The following PLPP3 variants were observed in gnomAD, a reference collection of about 807,000 sequenced individuals.
PLPP3 encodes PAP2 beta.
A neutral mutation model predicts 29.6 loss-of-function variants in PLPP3; 6 were observed. The ratio of observed to expected loss-of-function variants is 0.20; its 90% CI spans 0.11 to 0.40. The LOEUF (loss-of-function observed/expected upper bound fraction) is 0.40. PLPP3 is among the 10% of genes least tolerant of loss of function. The pLI, the probability that PLPP3 is intolerant of heterozygous loss-of-function variation, is 1.00. For missense variants in PLPP3, 308 were observed against 407.7 expected, an observed-to-expected ratio of 0.76 and a Z score of 2.11; for synonymous variants, 152 against 159.7, an observed-to-expected ratio of 0.95 and a Z score of 0.36.
At chr1:56,558,972 G>A (rs1379487034) in intron 1 of PLPP3, among the ~76,000 whole-genome samples, 1 of 152,176 alleles carries the variant, frequency 6.6e-6, no homozygotes, top group East Asian at 1.9e-4. Flanking sequence ...CTGCAGTTCT[G>A]AAAGACCATT....
intron 1 of PLPP3, among the ~76,000 whole-genome samples, chr1:56,571,113 G>A (rs536539974): frequency 1.1e-4 from 16 of 152,272 alleles, no homozygotes; most frequent in African/African-American, 3.4e-4. Context: ...GTCCACATCC[G>A]AAAAGCAGAA....
chr1:56,551,279 G>GTTTGCTTT (rs140430491), intron 1 of PLPP3, among the ~76,000 whole-genome samples: 1 of 135,924 alleles, frequency 7.4e-6, no homozygotes, highest in African/African-American at 2.7e-5. Flanking sequence ...TCTGGGTTTG[G>GTTTGCTTT]GGTTTGGTTT....
intron 2 of PLPP3, among the ~76,000 whole-genome samples, chr1:56,534,434 G>C (rs1645910183): frequency 6.6e-6 from 1 of 152,098 alleles, no homozygotes; most frequent in South Asian, 2.1e-4. Context: ...TTGTTGTGGG[G>C]ACCATCTGAA....
At chr1:56,536,666 C>A (rs566379677) in intron 2 of PLPP3, among the ~76,000 whole-genome samples, 14 of 152,178 alleles carry the variant, frequency 9.2e-5, no homozygotes, top group African/African-American at 3.1e-4. Flanking sequence ...TGTAAGTCTG[C>A]GAGATGGAAA....
At chr1:56,523,516 T>C (rs921551305) in intron 4 of PLPP3, among the ~76,000 whole-genome samples, 2 of 152,214 alleles carry the variant, frequency 1.3e-5, no homozygotes, top group African/African-American at 4.8e-5. Flanking sequence ...AAAACCTCAA[T>C]TACTCTTGCA....
chr1:56,511,142 C>T (rs1448525543), intron 5 of PLPP3, among the ~76,000 whole-genome samples: 1 of 152,176 alleles, frequency 6.6e-6, no homozygotes, highest in East Asian at 1.9e-4. Flanking sequence ...CAGTAGGGCC[C>T]AGGAAGTCAC....
At chr1:56,525,065 T>C (rs1645844458) in intron 2 of PLPP3, among the ~76,000 whole-genome samples, 1 of 152,146 alleles carries the variant, frequency 6.6e-6, no homozygotes, top group Non-Finnish European at 1.5e-5. Flanking sequence ...GGACACACCA[T>C]GGTTAAGTCC....
chr1:56,577,084 A>G (rs942314204), intron 1 of PLPP3, among the ~76,000 whole-genome samples: 14 of 152,128 alleles, frequency 9.2e-5, no homozygotes, highest in African/African-American at 3.1e-4. Context: ...CTGCACAGGC[A>G]CTCTAGAAAG....
At chr1:56,536,736 G>C (rs1048269401) in intron 2 of PLPP3, among the ~76,000 whole-genome samples, 2 of 152,154 alleles carry the variant, frequency 1.3e-5, no homozygotes, top group Admixed American at 6.5e-5. Context: ...TGTAGTCTTT[G>C]AGTACGTCAT....
At chr1:56,538,969 A>AAAAAAAAAAC (rs1645949855) in intron 1 of PLPP3, 1 of 151,452 alleles carries the variant, frequency 6.6e-6, no homozygotes, top group African/African-American at 2.4e-5. Context: ...CAAAAAAAAA[A>AAAAAAAAAAC]AACACAGTGG....
At position 56,496,186 on chromosome 1, in the gene PLPP3, T is replaced by C. The variant is rs548083095; in HGVS notation, c.*365A>G. 1.0e-5 allele frequency: 2 copies of C among 195,212 alleles called. No individual in the cohort carries two copies. Among genetic ancestry groups the C allele is most frequent in the South Asian group, 8.3e-5 (1 of 12,004 alleles). 12.1% of individuals were successfully genotyped at this position (195,212 alleles called of 1,614,324 possible). On this transcript the variant is annotated 3_prime_UTR_variant, in exon 6 of 6. Coordinates refer to ENST00000371250, the MANE Select transcript of PLPP3 (RefSeq NM_003713.5). ...CAGTGCTATTTCTGGCATCATGTGC[T>C]GCAATGTGAATTTTTGCTTTTCTCA... is the stretch of plus-strand genomic sequence containing the variant.
Position 56,523,890 on chromosome 1 carries a change from CA to C in PLPP3, c.576-11del, listed in dbSNP as rs1395452232. On this transcript the variant is annotated splice_polypyrimidine_tract_variant and intron_variant, in intron 3 of 5. Transcript: ENST00000371250. ...AGAGAAGAAGGACTTCCTGCAAGAGCAAGAGAGGGCCATGAAAGGGCCGTAT... is the reference window on the plus strand; with the variant it reads ...AGAGAAGAAGGACTTCCTGCAAGAGCAGAGAGGGCCATGAAAGGGCCGTAT... 6.2e-7 allele frequency: 1 copy of C among 1,613,138 alleles called. No homozygotes were observed. The highest frequency in any genetic ancestry group is 1.1e-5 in the South Asian group (1 of 91,074).
chr1:56,561,094 G>A (rs900324595), intron 1 of PLPP3, among the ~76,000 whole-genome samples: 8 of 150,770 alleles, frequency 5.3e-5, no homozygotes, highest in Non-Finnish European at 1.0e-4. Flanking sequence ...TGATCCGCCC[G>A]CCTCAGCCTC....
Position 56,543,189 on chromosome 1 carries a change from T to C in PLPP3, c.140-6077A>G, listed in dbSNP as rs570199936. On this transcript the variant is annotated intron_variant, in intron 1 of 5. Transcript: ENST00000371250. ...CAATGGTCCCAATTTGGACCACCTA[T>C]TCAAAATATAGACTGAAGACCCTGG... 1.1e-4 allele frequency among the ~76,000 whole-genome samples: 16 copies of C among 152,306 alleles called. No individual in the cohort carries two copies. In the East Asian group the frequency reaches 2.9e-3, roughly 28 times the overall value.
At chr1:56,546,881 G>A (rs1419553553) in intron 1 of PLPP3, among the ~76,000 whole-genome samples, 2 of 152,124 alleles carry the variant, frequency 1.3e-5, no homozygotes, top group Non-Finnish European at 2.9e-5. Flanking sequence ...TACTAAATGG[G>A]AATATCAGAG....
At position 56,524,521 on chromosome 1, in the gene PLPP3, G is replaced by C. The variant is rs1172360094; in HGVS notation, c.331C>G (p.Leu111Val). ...ITGEFYRIYY[L>V]KKSRSTIQNP... ...TGAATCGTCGACCGCGACTTCTTCA[G>C]GTAATAGATCCGGTAGAATTCCCCC... Residue 111 changes from leucine (L) to valine (V), a missense_variant, in exon 3 of 6, where the codon CTG becomes GTG. Leu to Val is a conservative substitution (Grantham distance 32). Coordinates refer to ENST00000371250, the MANE Select transcript of PLPP3 (RefSeq NM_003713.5). This position sits in a 1 kb window ranked among gnomAD's most constrained non-coding sequence, Gnocchi z 4.3. 1 of 1,612,278 alleles carries C rather than the reference G, an allele frequency of 6.2e-7. No homozygotes were observed. The highest frequency in any genetic ancestry group is 8.5e-7 in the Non-Finnish European group (1 of 1,178,406).
chr1:56,496,470 ACT>A lies in PLPP3; in HGVS notation c.*79_*80del. The stretch of plus-strand genomic sequence containing the variant: ...GGGCAAAAGTTTTTCCCTACATTCT[ACT>A]GTCTGATGAGATTGGAGAGCAGCAA... On this transcript the variant is annotated 3_prime_UTR_variant, in exon 6 of 6. Transcript: ENST00000371250. The A allele has an allele frequency of 6.7e-7, 1 of 1,491,564 alleles. No homozygotes were observed. Among genetic ancestry groups the A allele is most frequent in the Admixed American group, 2.0e-5 (1 of 49,722 alleles). The allele number at this position is 1,491,564 out of a possible 1,614,324, so 92.4% of individuals were successfully genotyped here. A position where few individuals can be genotyped will look rare whatever the true frequency, so the allele number is the denominator to read the frequency against.
chr1:56,518,779 G>C (rs966130631), intron 4 of PLPP3, among the ~76,000 whole-genome samples: 3 of 147,728 alleles, frequency 2.0e-5, no homozygotes, highest in Non-Finnish European at 4.5e-5. Context: ...TGAACTCCTG[G>C]GCTCAAGCAA....
At chr1:56,529,858 C>T (rs1645876119) in intron 2 of PLPP3, among the ~76,000 whole-genome samples, 1 of 151,998 alleles carries the variant, frequency 6.6e-6, no homozygotes, top group African/African-American at 2.4e-5. Context: ...TAAGTCAGAA[C>T]TCCAATATCT....
Sources: gnomAD v4.1 joint callset for allele counts (sites outside exome capture counted in the v4.1 genomes callset) on GRCh38, gnomAD v4.1.1 for gene constraint, Gnocchi (gnomAD v3.1) non-coding constraint, MANE v1.5 for transcripts, NCBI Gene and HGNC (gene_info 2026-07-23, HGNC 2026-07-21) for gene names.